The following STARD13 variants were observed in gnomAD, a reference collection of about 807,000 sequenced individuals.
STARD13 encodes the protein StAR related lipid transfer domain containing 13, also known as stAR-related lipid transfer protein 13.
Under a neutral mutation model 106.4 loss-of-function variants are expected in STARD13, and 62 were observed. The observed-to-expected ratio is 0.58, with a 90% CI of 0.48 to 0.72. STARD13 has a LOEUF of 0.72. STARD13 is among the 30% of genes least tolerant of loss of function. The probability of loss-of-function intolerance (pLI) is 0.00; values close to 1 mark genes in which losing one functional copy is unlikely to be tolerated. For missense variants in STARD13, 1,387 were observed against 1,424.0 expected (o/e 0.97, Z 0.42); for synonymous variants, 565 against 553.0 (o/e 1.02, Z -0.31).
chr13:33,664,218 G>A, the STARD13 span, among the ~76,000 whole-genome samples: 7 of 152,180 alleles, frequency 4.6e-5, no homozygotes, highest in Admixed American at 4.6e-4. Flanking sequence ...GAACCTGCTC[G>A]GGGAGGCTCT....
chr13:33,215,839 C>T (rs542637924), intron 1 of STARD13, among the ~76,000 whole-genome samples: 1 of 152,256 alleles, frequency 6.6e-6, no homozygotes, highest in East Asian at 1.9e-4. Flanking sequence ...TATCCAGAAT[C>T]TACAACAAAC....
chr13:33,508,748 A>C, the STARD13 span, among the ~76,000 whole-genome samples: 1 of 152,234 alleles, frequency 6.6e-6, no homozygotes, highest in African/African-American at 2.4e-5. Flanking sequence ...AATCATATAC[A>C]GTCATGTGTT....
At chr13:33,286,888 A>G (rs961300933), upstream of STARD13, among the ~76,000 whole-genome samples, 4 of 151,966 alleles carry the variant, frequency 2.6e-5, no homozygotes, top group Non-Finnish European at 5.9e-5. Context: ...GTGTGTATAT[A>G]TATGTGTATA....
chr13:33,467,578 G>A, the STARD13 span, among the ~76,000 whole-genome samples: 1 of 152,138 alleles, frequency 6.6e-6, no homozygotes, highest in Non-Finnish European at 1.5e-5. Context: ...AGAGCGAAAT[G>A]AGGACACTTA....
chr13:33,472,798 G>C, the STARD13 span, among the ~76,000 whole-genome samples: 1 of 152,166 alleles, frequency 6.6e-6, no homozygotes, highest in African/African-American at 2.4e-5. Flanking sequence ...TATTCATCCT[G>C]TGTGTTCTCC....
rs544760317 is a variant in STARD13 at position 33,185,764 on chromosome 13, C to T, written c.170-18142G>A. On this transcript the variant is annotated intron_variant, in intron 1 of 13. Transcript: ENST00000336934. ...ATTCCCAGCTCTAGTTTTATCTTTC[C>T]GCCATGTCCTTCCAGACCACCTGAC... 197 of 966,698 alleles carry T rather than the reference C, an allele frequency of 2.0e-4. 2 individuals are homozygous for T. The South Asian group carries it at 2.1e-3, about 10-fold the overall frequency. 59.9% of individuals were successfully genotyped at this position (966,698 alleles called of 1,614,324 possible). A position where few individuals can be genotyped will look rare whatever the true frequency, so the allele number is the denominator to read the frequency against.
At chr13:33,234,691 A>G (rs1381513096) in intron 1 of STARD13, among the ~76,000 whole-genome samples, 1 of 152,202 alleles carries the variant, frequency 6.6e-6, no homozygotes, top group Non-Finnish European at 1.5e-5. Flanking sequence ...GCCTGAGGCA[A>G]GTCACCTAAT....
At chr13:33,297,680 T>G (rs1488255100) in intron 1 of STARD13, among the ~76,000 whole-genome samples, 1 of 152,112 alleles carries the variant, frequency 6.6e-6, no homozygotes. Context: ...ATTTTTAGGA[T>G]GGTGAAATGA....
chr13:33,278,072 G>A (rs554305670), intron 1 of STARD13, among the ~76,000 whole-genome samples: 1 of 152,268 alleles, frequency 6.6e-6, no homozygotes, highest in Admixed American at 6.5e-5. Flanking sequence ...TACTCTCCTA[G>A]ATCAGCATTT....
intron 1 of STARD13, among the ~76,000 whole-genome samples, chr13:33,203,229 C>T (rs1354997846): frequency 8.4e-6 from 1 of 119,190 alleles, no homozygotes; most frequent in Non-Finnish European, 1.8e-5. Context: ...TGGTGATTCT[C>T]TGTACTGGCA....
the STARD13 span, among the ~76,000 whole-genome samples, chr13:33,438,070 C>T: frequency 2.0e-5 from 3 of 152,196 alleles, no homozygotes; most frequent in South Asian, 4.1e-4. Flanking sequence ...AAGTACTTGT[C>T]ATTTCCACCC....
At chr13:33,506,718 T>C in the STARD13 span, among the ~76,000 whole-genome samples, 1 of 152,188 alleles carries the variant, frequency 6.6e-6, no homozygotes, top group Admixed American at 6.5e-5. Flanking sequence ...TATGAAAAGC[T>C]CATTGGTATG....
chr13:33,346,159 G>T (rs1183847961), downstream of STARD13, among the ~76,000 whole-genome samples: 3 of 152,198 alleles, frequency 2.0e-5, no homozygotes, highest in Non-Finnish European at 1.5e-5. Flanking sequence ...CCAGCCAACA[G>T]CCAGAGAGAA....
At chr13:33,600,767 C>T in the STARD13 span, among the ~76,000 whole-genome samples, 10 of 152,224 alleles carry the variant, frequency 6.6e-5, no homozygotes, top group Middle Eastern at 3.4e-3. Flanking sequence ...TTTCTCCTGT[C>T]TCTGCCATTT....
the STARD13 span, among the ~76,000 whole-genome samples, chr13:33,561,496 T>C: frequency 1.3e-5 from 2 of 151,536 alleles, no homozygotes; most frequent in Non-Finnish European, 2.9e-5. Flanking sequence ...TCTATTGCAT[T>C]TCTTGTCTTT....
intron 7 of STARD13, among the ~76,000 whole-genome samples, chr13:33,124,384 T>C (rs2138136734): frequency 6.6e-6 from 1 of 152,384 alleles, no homozygotes; most frequent in South Asian, 2.1e-4. Flanking sequence ...GCGAGATGCG[T>C]GGCTCTATTC....
At chr13:33,205,518 G>A (rs1329343916) in intron 1 of STARD13, among the ~76,000 whole-genome samples, 1 of 151,664 alleles carries the variant, frequency 6.6e-6, no homozygotes, top group African/African-American at 2.4e-5. Context: ...AGAGAGAGAA[G>A]GAAGGAAGGA....
rs1555264012 is a variant in STARD13, at chr13:33,343,588, A to AAAC, written c.124+6701_124+6702insGTT. On this transcript the variant is annotated intron_variant, in intron 1 of 5. Coordinates refer to the STARD13 transcript ENST00000567873. ...TTGAGACCCTGTCTTAAAAAAAAAA[A>AAAC]AAAAAAAAACAAATCTACAAATCTA... Among the ~76,000 whole-genome samples the AAAC allele has an allele frequency of 9.3e-5, 9 of 97,276 alleles. No individual in the cohort carries two copies. The South Asian group carries it at 2.0e-3, about 21-fold the overall frequency. The allele number at this position is 97,276 out of a possible 152,430, so 63.8% of individuals were successfully genotyped here.
chr13:33,130,079 TGTGAATGGAG>T lies in STARD13; in HGVS notation c.588_597del (p.Cys196Ter). 6.2e-7 allele frequency: 1 copy of T among 1,614,050 alleles called. No homozygotes were observed. Among genetic ancestry groups the T allele is most frequent in the Non-Finnish European group, 8.5e-7 (1 of 1,179,992 alleles). On this transcript the variant is annotated frameshift_variant, in exon 5 of 14. Transcript: ENST00000336934. LOFTEE classifies it high-confidence loss of function. The surrounding 1 kb of genome is among the most constrained non-coding windows in gnomAD (Gnocchi z 4.1). Reference sequence around the variant, plus strand: ...CTGTCGCTGCCTCCACTGCTTTCGCTGTGAATGGAGCAGACCTCAGGCTCGCTCAGGTCTG... The same window carrying T: ...CTGTCGCTGCCTCCACTGCTTTCGCTCAGACCTCAGGCTCGCTCAGGTCTG...
Sources: allele counts gnomAD v4.1 joint callset (sites outside exome capture counted in the v4.1 genomes callset), GRCh38; gene constraint gnomAD v4.1.1; non-coding constraint Gnocchi (gnomAD v3.1); transcripts MANE v1.5; gene names NCBI Gene and HGNC (gene_info 2026-07-23, HGNC 2026-07-21).